EFHD1: variants seen among roughly 807,000 people sequenced by gnomAD.
EFHD1 encodes the protein EF-hand domain-containing protein D1.
Under a neutral mutation model 17.2 loss-of-function variants are expected in EFHD1, and 10 were observed. The observed-to-expected ratio is 0.58, with a 90% CI of 0.36 to 0.99. EFHD1 has a LOEUF of 0.99. EFHD1 is among the 50% of genes least tolerant of loss of function. EFHD1 has a pLI of 0.01. For missense variants in EFHD1, 310 were observed against 327.5 expected, an observed-to-expected ratio of 0.95 and a Z score of 0.41; for synonymous variants, 153 against 142.0, an observed-to-expected ratio of 1.08 and a Z score of -0.55.
At chr2:232,654,523 C>A (rs1694724063) in intron 1 of EFHD1, among the ~76,000 whole-genome samples, 1 of 145,052 alleles carries the variant, frequency 6.9e-6, no homozygotes, top group African/African-American at 2.5e-5. Context: ...TGGGTTCAAG[C>A]AATTCTCCTG....
At chr2:232,659,398 G>C (rs1022750341) in intron 1 of EFHD1, among the ~76,000 whole-genome samples, 3 of 152,312 alleles carry the variant, frequency 2.0e-5, no homozygotes, top group East Asian at 1.9e-4. Flanking sequence ...GGAGAGCTGT[G>C]GGGGAAGCAG....
chr2:232,631,458 T>A (rs1694199846), upstream of EFHD1, among the ~76,000 whole-genome samples: 1 of 151,516 alleles, frequency 6.6e-6, no homozygotes, highest in African/African-American at 2.4e-5. Flanking sequence ...CTAGTTGTTT[T>A]TTATTTTATT....
chr2:232,651,749 A>T (rs1228644407), intron 1 of EFHD1, among the ~76,000 whole-genome samples: 3 of 152,222 alleles, frequency 2.0e-5, no homozygotes, highest in Non-Finnish European at 4.4e-5. Context: ...TTGAACCCCG[A>T]AGGCGGATGT....
intron 1 of EFHD1, among the ~76,000 whole-genome samples, chr2:232,613,495 A>G (rs918182467): frequency 3.3e-5 from 5 of 152,054 alleles, no homozygotes; most frequent in African/African-American, 1.2e-4. Flanking sequence ...TTTACTAGTA[A>G]CAGCCCCAAA....
At chr2:232,641,908 G>A (rs1199797436) in intron 1 of EFHD1, among the ~76,000 whole-genome samples, 2 of 152,208 alleles carry the variant, frequency 1.3e-5, no homozygotes, top group Non-Finnish European at 2.9e-5. Context: ...GCTTTTGGAA[G>A]ATTAGCACTG....
At chr2:232,627,065 T>TATATA (rs1553596266) in intron 1 of EFHD1, among the ~76,000 whole-genome samples, 8 of 77,698 alleles carry the variant, frequency 1.0e-4, no homozygotes, top group Admixed American at 4.2e-4. Context: ...TATATATATA[T>TATATA]TTTTTTTTTT....
chr2:232,678,342 A>T (rs991335371), intron 3 of EFHD1, among the ~76,000 whole-genome samples: 3 of 152,210 alleles, frequency 2.0e-5, no homozygotes, highest in African/African-American at 7.2e-5. Context: ...TAGATGTTAA[A>T]ACTGTAAGAA....
At chr2:232,649,678 T>C (rs749000715) in intron 1 of EFHD1, among the ~76,000 whole-genome samples, 3 of 152,098 alleles carry the variant, frequency 2.0e-5, no homozygotes, top group African/African-American at 7.2e-5. Flanking sequence ...ATGATTTCCT[T>C]TGGGCCCCTC....
chr2:232,623,401 T>C (rs1011915243), intron 1 of EFHD1, among the ~76,000 whole-genome samples: 2 of 152,068 alleles, frequency 1.3e-5, no homozygotes, highest in Admixed American at 6.6e-5. Flanking sequence ...AGGCCGGGTA[T>C]TGTGGCTCAT....
intron 2 of EFHD1, 32 bp from the exon 3 acceptor site, chr2:232,672,277 G>T: frequency 6.2e-7 from 1 of 1,614,054 alleles, no homozygotes; most frequent in South Asian, 1.1e-5. Context: ...CAGTGAGACT[G>T]ACTCTGGTTC....
In EFHD1 at chr2:232,672,417, G is replaced by A. The variant is rs1286120186; in HGVS notation, c.559G>A (p.Gly187Ser). Residue 187 changes from glycine (G) to serine (S), a missense_variant, in exon 3 of 4, where the codon GGT becomes AGT. Transcript: ENST00000264059. ...EIDVALEGVK[G>S]AKNFFEAKVQ... ...CGATGTGGCCCTGGAGGGTGTCAAA[G>A]GTGCCAAGAACTTCTTTGAAGCCAA... is the stretch of plus-strand genomic sequence containing the variant. The A allele has an allele frequency of 1.2e-6, 2 of 1,608,336 alleles. No individual in the cohort carries two copies. Among genetic ancestry groups the A allele is most frequent in the East Asian group, 2.2e-5 (1 of 44,846 alleles).
Position 232,615,684 on chromosome 2 carries a change from C to CTT in EFHD1, c.14+9530_14+9531dup, listed in dbSNP as rs34266488. Among the ~76,000 whole-genome samples, 456 of 109,006 alleles carry CTT rather than the reference C, an allele frequency of 4.2e-3. 7 individuals carry two copies. The highest frequency in any genetic ancestry group is 5.1e-3 in the Non-Finnish European group (286 of 55,638). The allele number at this position is 109,006 out of a possible 152,430, so 71.5% of individuals were successfully genotyped here. On this transcript the variant is annotated intron_variant, in intron 1 of 3. Transcript: ENST00000409613. ...AAAAATACATTTTCTTTTTCTTTTC[C>CTT]TTTTTTTTTTTTTTTTTTTTGAGAC...
At chr2:232,610,212 G>A (rs143244359) in intron 1 of EFHD1, among the ~76,000 whole-genome samples, 1 of 152,218 alleles carries the variant, frequency 6.6e-6, no homozygotes, top group Non-Finnish European at 1.5e-5. Context: ...GCAAGGCTGA[G>A]GCCCCAGGCC....
At position 232,681,840 on chromosome 2, in the gene EFHD1, C is replaced by T. The variant is rs1295006399; in HGVS notation, c.*121C>T. ...TGAGCCAGCATCTCCATCCACCACC[C>T]CGTGCCAGCTCCCGTGCCAGCCTTC... On this transcript the variant is annotated 3_prime_UTR_variant, in exon 4 of 4. Coordinates refer to ENST00000264059, the MANE Select transcript of EFHD1 (RefSeq NM_025202.4). 2.1e-6 allele frequency: 3 copies of T among 1,413,392 alleles called. No homozygotes were observed. Among genetic ancestry groups the T allele is most frequent in the South Asian group, 1.4e-5 (1 of 69,654 alleles). The allele number at this position is 1,413,392 out of a possible 1,614,324, so 87.6% of individuals were successfully genotyped here. A position where few individuals can be genotyped will look rare whatever the true frequency, so the allele number is the denominator to read the frequency against.
At chr2:232,609,366 G>A (rs1298277988) in intron 1 of EFHD1, among the ~76,000 whole-genome samples, 2 of 152,098 alleles carry the variant, frequency 1.3e-5, no homozygotes, top group Non-Finnish European at 1.5e-5. Flanking sequence ...CAGCCAAGAT[G>A]CATGAGTTCT....
Position 232,633,868 on chromosome 2 carries a change from T to C in EFHD1, c.164T>C (p.Leu55Pro). 1 of 1,525,364 alleles carries C rather than the reference T, an allele frequency of 6.6e-7. No individual in the cohort carries two copies. The highest frequency in any genetic ancestry group is 2.7e-5 in the East Asian group (1 of 37,612). 94.5% of individuals were successfully genotyped at this position (1,525,364 alleles called of 1,614,324 possible). The change falls in exon 1 of 4, where the codon CTG (leucine) becomes CCG (proline). Residue 55 changes from leucine to proline, a missense_variant. Leu to Pro is a moderately conservative substitution (Grantham distance 98). Transcript: ENST00000264059. The part of the protein sequence containing the change: ...RAPTASADAE[L>P]SAQLSRRLDI... Reference sequence around the variant, plus strand: ...CCCACGGCCAGCGCCGACGCGGAGCTGAGCGCCCAGCTGAGCCGGCGGCTG... The same window carrying C: ...CCCACGGCCAGCGCCGACGCGGAGCCGAGCGCCCAGCTGAGCCGGCGGCTG...
intron 1 of EFHD1, among the ~76,000 whole-genome samples, chr2:232,658,354 C>A (rs536670356): frequency 6.6e-6 from 1 of 150,978 alleles, no homozygotes; most frequent in Non-Finnish European, 1.5e-5. Flanking sequence ...ACAGCCAGTC[C>A]GCCTAATTGT....
intron 1 of EFHD1, among the ~76,000 whole-genome samples, chr2:232,660,295 T>C (rs372166117): frequency 3.8e-4 from 58 of 152,058 alleles, no homozygotes; most frequent in African/African-American, 9.4e-4. Context: ...CCTGGGTTCA[T>C]GCCATTCTCC....
intron 2 of EFHD1, among the ~76,000 whole-genome samples, chr2:232,668,153 G>A (rs974119129): frequency 3.9e-5 from 6 of 152,274 alleles, no homozygotes; most frequent in South Asian, 2.1e-4. Flanking sequence ...CCACATGCCC[G>A]GCTTTGTGGA....
Sources: gnomAD v4.1 joint callset for allele counts (sites outside exome capture counted in the v4.1 genomes callset) on GRCh38, gnomAD v4.1.1 for gene constraint, MANE v1.5 for transcripts, NCBI Gene and HGNC (gene_info 2026-07-23, HGNC 2026-07-21) for gene names.